The following PCLO variants were observed in gnomAD, a reference collection of about 807,000 sequenced individuals.
PCLO encodes the protein protein piccolo.
In PCLO, 82 loss-of-function variants were observed where a neutral mutation model predicts 427.5. That is an observed-to-expected ratio of 0.19 (90% CI 0.16 to 0.23). The LOEUF (loss-of-function observed/expected upper bound fraction) is 0.23. Among genes scored for constraint, PCLO ranks in the 10% least tolerant of loss-of-function variants. PCLO has a pLI of 1.00. For missense variants in PCLO, 6,239 were observed against 6,115.9 expected (o/e 1.02, Z -0.67); for synonymous variants, 2,357 against 2,155.4 (o/e 1.09, Z -2.59).
At chr7:83,060,584 C>T (rs979505819) in intron 3 of PCLO, among the ~76,000 whole-genome samples, 4 of 152,094 alleles carry the variant, frequency 2.6e-5, no homozygotes, top group African/African-American at 9.7e-5. Flanking sequence ...ACTTACCCAA[C>T]CCTCTAAATT....
At position 82,951,935 on chromosome 7, in the gene PCLO, G is replaced by A. The variant is rs770386709; in HGVS notation, c.9018C>T (p.Phe3006=). The A allele has an allele frequency of 6.2e-7, 1 of 1,613,816 alleles. No homozygotes were observed. The highest frequency in any genetic ancestry group is 8.5e-7 in the Non-Finnish European group (1 of 1,179,818). Residue 3006 remains phenylalanine, a synonymous_variant, in exon 5 of 25, where the codon TTC becomes TTT. Coordinates refer to ENST00000333891, the MANE Select transcript of PCLO (RefSeq NM_033026.6). ...AATCAAAAGCATTCTTACTTTTATA[G>A]AAAAAATGTCCAGCTTCTGCTAAAT... is the stretch of plus-strand genomic sequence containing the variant. ...DTNLAEAGHF[F]YKSKNAFDYS...
chr7:83,071,010 TA>T (rs1311771916), intron 3 of PCLO, among the ~76,000 whole-genome samples: 42 of 146,276 alleles, frequency 2.9e-4, no homozygotes, highest in Non-Finnish European at 4.9e-4. Flanking sequence ...TTTCTTTTTC[TA>T]TTTTTTTTTT....
chr7:83,122,286 CTTTTT>C lies in PCLO; in HGVS notation c.3300+11959_3300+11963del, dbSNP rs71074624. Among the ~76,000 whole-genome samples the C allele has an allele frequency of 3.1e-3, 404 of 128,294 alleles. 3 individuals are homozygous for C. Among genetic ancestry groups the C allele is most frequent in the African/African-American group, 8.4e-3 (284 of 33,658 alleles). 84.2% of individuals were successfully genotyped at this position (128,294 alleles called of 152,430 possible). On this transcript the variant is annotated intron_variant, in intron 3 of 24. Transcript: ENST00000333891. ...TTTCCTTCTTTCTTTCTTTTCTTTT[CTTTTT>C]TTTTTTTTTTTTTTTATGGTGTTTT...
chr7:82,999,746 TATA>T lies in PCLO; in HGVS notation c.3301-33262_3301-33260del, dbSNP rs1169956520. On this transcript the variant is annotated intron_variant, in intron 3 of 24. Transcript: ENST00000333891. ...ATAATATTAAATATAAAATATAATATATAATATTATATATAAAATATAATATAT... is the reference window on the plus strand; with the variant it reads ...ATAATATTAAATATAAAATATAATATATATTATATATAAAATATAATATAT... Among the ~76,000 whole-genome samples, 10 of 102,478 alleles carry T rather than the reference TATA, an allele frequency of 9.8e-5. 2 individuals carry two copies. Among genetic ancestry groups the T allele is most frequent in the Non-Finnish European group, 1.9e-4 (10 of 51,836 alleles). The allele number at this position is 102,478 out of a possible 152,430, so 67.2% of individuals were successfully genotyped here.
At position 82,966,088 on chromosome 7, in the gene PCLO, G is replaced by C. The variant is rs200875159; in HGVS notation, c.3700C>G (p.Pro1234Ala). 6.2e-7 allele frequency: 1 copy of C among 1,611,560 alleles called. No homozygotes were observed. Among genetic ancestry groups the C allele is most frequent in the African/African-American group, 1.3e-5 (1 of 74,658 alleles). The change falls in exon 4 of 25, where the codon CCA becomes GCA. Residue 1234 changes from proline to alanine, a missense_variant. By Grantham distance (27) the Pro-to-Ala change is conservative. Around this residue, in one of 5 missense-constraint regions of PCLO, gnomAD observed 4,677 missense variants for 4,468.4 expected, o/e 1.05. Coordinates refer to ENST00000333891, the MANE Select transcript of PCLO (RefSeq NM_033026.6). Reference protein sequence around the residue: ...EEKIRSEEKKPLLEEKKPTPE... With the variant: ...EEKIRSEEKKALLEEKKPTPE... Reference sequence around the variant, plus strand: ...GTTGGCTTTTTTTCTTCTAGGAGTGGCTTTTTTTCTTCAGAACGTATCTTT... The same window carrying C: ...GTTGGCTTTTTTTCTTCTAGGAGTGCCTTTTTTTCTTCAGAACGTATCTTT...
At chr7:82,861,205 A>G (rs1051988965) in intron 10 of PCLO, among the ~76,000 whole-genome samples, 2 of 152,094 alleles carry the variant, frequency 1.3e-5, no homozygotes, top group African/African-American at 4.8e-5. Flanking sequence ...TGTTGCCTAC[A>G]AGAAATACAC....
intron 7 of PCLO, 92 bp downstream of exon 7, chr7:82,914,594 T>C (rs1172669156): frequency 4.8e-6 from 6 of 1,255,314 alleles, no homozygotes; most frequent in African/African-American, 1.5e-5. Context: ...CCAAGAAAAG[T>C]AGGATACATC....
intron 3 of PCLO, among the ~76,000 whole-genome samples, chr7:82,995,867 G>A (rs948694453): frequency 6.6e-6 from 1 of 151,852 alleles, no homozygotes; most frequent in South Asian, 2.1e-4. Context: ...GTTTCTTAAT[G>A]TTTTGTTTGA....
intron 3 of PCLO, among the ~76,000 whole-genome samples, chr7:82,992,063 C>T (rs1676659565): frequency 6.6e-6 from 1 of 152,076 alleles, no homozygotes; most frequent in South Asian, 2.1e-4. Context: ...CATCTCAATA[C>T]AATAATTGCA....
intron 6 of PCLO, among the ~76,000 whole-genome samples, chr7:82,943,369 C>A (rs1795127373): frequency 1.3e-5 from 2 of 152,088 alleles, no homozygotes; most frequent in Non-Finnish European, 2.9e-5. Context: ...GAGGTGATAA[C>A]ATTTTAATTG....
intron 3 of PCLO, among the ~76,000 whole-genome samples, chr7:83,115,274 T>C (rs188458054): frequency 6.6e-6 from 1 of 152,164 alleles, no homozygotes; most frequent in East Asian, 1.9e-4. Context: ...AGAAAATTGC[T>C]TGTGAAGTAC....
intron 22 of PCLO, among the ~76,000 whole-genome samples, chr7:82,792,006 T>G (rs537787752): frequency 3.1e-4 from 47 of 152,170 alleles, no homozygotes; most frequent in African/African-American, 9.1e-4. Context: ...TTAAAAACTT[T>G]GAATTTCATA....
At chr7:83,042,399 A>C (rs1255284789) in intron 3 of PCLO, among the ~76,000 whole-genome samples, 2 of 152,200 alleles carry the variant, frequency 1.3e-5, no homozygotes, top group Non-Finnish European at 2.9e-5. Flanking sequence ...GCTTAATTAA[A>C]TAATCTCTTG....
chr7:82,800,512 G>A (rs1791323848), intron 22 of PCLO, among the ~76,000 whole-genome samples: 1 of 152,160 alleles, frequency 6.6e-6, no homozygotes, highest in Non-Finnish European at 1.5e-5. Context: ...TGCATGAAAA[G>A]TACTTAGAAT....
At chr7:83,097,541 T>TAA (rs948604598) in intron 3 of PCLO, among the ~76,000 whole-genome samples, 3 of 146,010 alleles carry the variant, frequency 2.1e-5, no homozygotes, top group Non-Finnish European at 4.5e-5. Context: ...TATATATATA[T>TAA]AATATATAAA....
intron 2 of PCLO, among the ~76,000 whole-genome samples, chr7:83,136,207 T>C (rs1490666339): frequency 6.6e-6 from 1 of 152,112 alleles, no homozygotes; most frequent in Non-Finnish European, 1.5e-5. Context: ...CTAATGGTAA[T>C]TGTTATTCTT....
At chr7:82,845,886 T>G (rs1414930490) in intron 12 of PCLO, among the ~76,000 whole-genome samples, 1 of 152,146 alleles carries the variant, frequency 6.6e-6, no homozygotes, top group Non-Finnish European at 1.5e-5. Context: ...AAAATTTTAA[T>G]GGGTTTATTT....
chr7:82,947,965 C>T (rs1334407622), intron 6 of PCLO, among the ~76,000 whole-genome samples: 2 of 152,048 alleles, frequency 1.3e-5, no homozygotes, highest in Admixed American at 6.5e-5. Flanking sequence ...CAATATTCCA[C>T]CTGGAAAGCC....
chr7:83,044,662 A>T (rs1436829371), intron 3 of PCLO, among the ~76,000 whole-genome samples: 4 of 152,170 alleles, frequency 2.6e-5, no homozygotes, highest in African/African-American at 9.7e-5. Flanking sequence ...ATCATTCTCT[A>T]CAATAGAGAA....
Sources: allele counts gnomAD v4.1 joint callset (sites outside exome capture counted in the v4.1 genomes callset), GRCh38; gene constraint gnomAD v4.1.1; regional missense constraint gnomAD v4.1.1; transcripts MANE v1.5; gene names NCBI Gene and HGNC (gene_info 2026-07-23, HGNC 2026-07-21).